Variants in PRKCZ observed in about 807,000 individuals in gnomAD.
The protein encoded by PRKCZ is protein kinase C zeta, also known as protein kinase C zeta type.
In PRKCZ, 33 loss-of-function variants were observed where a neutral mutation model predicts 79.5. That is an observed-to-expected ratio of 0.41 (90% CI 0.31 to 0.55). The LOEUF is 0.55. Among genes scored for constraint, PRKCZ ranks in the 20% least tolerant of loss-of-function variants. The pLI is 0.19. For missense variants in PRKCZ, 578 were observed against 813.5 expected (o/e 0.71, Z 3.52); for synonymous variants, 342 against 320.9 (o/e 1.07, Z -0.70).
At chr1:2,076,235 A>G (rs2803307) in intron 4 of PRKCZ, among the ~76,000 whole-genome samples, 134,722 of 152,100 alleles carry the variant, frequency 0.89, 60,022 homozygotes, top group East Asian at 1. Flanking sequence ...GTGTGGGCTC[A>G]GCAGGTCTGG....
Position 2,054,288 on chromosome 1 carries a change from C to T in PRKCZ, c.72-1153C>T, listed in dbSNP as rs527422447. Reference sequence around the variant, plus strand: ...CGCGCTCTTGTGGGTGTCAGAAAGCCGTAGATTTTTCTGAAAATTCAGTGT... The same window carrying T: ...CGCGCTCTTGTGGGTGTCAGAAAGCTGTAGATTTTTCTGAAAATTCAGTGT... On this transcript the variant is annotated intron_variant, in intron 1 of 17. Coordinates refer to ENST00000378567, the MANE Select transcript of PRKCZ (RefSeq NM_002744.6). 4.6e-5 allele frequency among the ~76,000 whole-genome samples: 7 copies of T among 152,236 alleles called. No individual in the cohort carries two copies. In the South Asian group the frequency reaches 8.3e-4, roughly 18 times the overall value.
rs1241149021 is a variant in PRKCZ at position 2,172,827 on chromosome 1, C to G, written c.1285+439C>G. Among the ~76,000 whole-genome samples, 2 of 152,216 alleles carry G rather than the reference C, an allele frequency of 1.3e-5. No homozygotes were observed. Among genetic ancestry groups the G allele is most frequent in the African/African-American group, 4.8e-5 (2 of 41,462 alleles). On this transcript the variant is annotated intron_variant, in intron 13 of 17. Transcript: ENST00000378567. This position sits in a 1 kb window ranked among gnomAD's most constrained non-coding sequence, Gnocchi z 7.8. ...ACACCAGAGTGTTTCTGCTCCTCTC[C>G]CCTCTCTGGGCGTGAAACGGGGACA...
At chr1:2,169,720 G>A (rs1684057492) in intron 11 of PRKCZ, 116 bp downstream of exon 11, 2 of 592,166 alleles carry the variant, frequency 3.4e-6, no homozygotes, top group Admixed American at 3.8e-5. Flanking sequence ...GGGTGCGCGC[G>A]GAGTTGGGGG....
upstream of PRKCZ, among the ~76,000 whole-genome samples, chr1:2,048,525 G>A (rs531232357): frequency 4.0e-4 from 61 of 151,552 alleles, no homozygotes; most frequent in African/African-American, 1.3e-3. Flanking sequence ...GACGGAGGCC[G>A]GGGCAGCAAA....
intron 6 of PRKCZ, among the ~76,000 whole-genome samples, chr1:2,145,779 G>C (rs570921361): frequency 1.3e-5 from 2 of 152,138 alleles, no homozygotes; most frequent in Non-Finnish European, 2.9e-5. Flanking sequence ...AGCCAGGCAT[G>C]GTGGTGCGCA....
At chr1:2,049,971 T>A, upstream of PRKCZ, 1 of 152,280 alleles carries the variant, frequency 6.6e-6, no homozygotes, top group East Asian at 1.9e-4. Flanking sequence ...TCCGTGACCC[T>A]GGCCGGGTTC....
At chr1:2,152,868 C>G (rs1242831288) in intron 9 of PRKCZ, among the ~76,000 whole-genome samples, 1 of 152,244 alleles carries the variant, frequency 6.6e-6, no homozygotes, top group Non-Finnish European at 1.5e-5. Flanking sequence ...CAGTGGAGGC[C>G]CCACGTTTGT....
Position 2,144,549 on chromosome 1 carries a change from G to A in PRKCZ, c.552+208G>A, listed in dbSNP as rs1678093485. On this transcript the variant is annotated intron_variant, in intron 6 of 17. Transcript: ENST00000378567. ...CCCCCACAAGCCCCCGGCACACTCT[G>A]CTCATTGGGGCATGAGGCTCAGGCA... 2.8e-6 allele frequency: 4 copies of A among 1,403,956 alleles called. No homozygotes were observed. The Admixed American group carries it at 1.2e-4, about 41-fold the overall frequency. The allele number at this position is 1,403,956 out of a possible 1,614,324, so 87.0% of individuals were successfully genotyped here. A position where few individuals can be genotyped will look rare whatever the true frequency, so the allele number is the denominator to read the frequency against.
At position 2,059,577 on chromosome 1, in the gene PRKCZ, G is replaced by C. The variant is rs1429702172; in HGVS notation, c.320G>C (p.Cys107Ser). The change falls in exon 4 of 18, where the codon TGT becomes TCT. Residue 107 changes from cysteine to serine, a missense_variant. Physicochemically the swap from Cys to Ser is moderately radical, Grantham distance 112. Around this residue, in one of 4 missense-constraint regions of PRKCZ, gnomAD observed 228 missense variants for 211.6 expected, o/e 1.08. Coordinates refer to ENST00000378567, the MANE Select transcript of PRKCZ (RefSeq NM_002744.6). ...PSTPEQPGLP[C>S]PGEDKSIYRR... Reference sequence around the variant, plus strand: ...ACCCCTGAGCAGCCTGGCCTGCCATGTCCGGGAGAAGACAGTGAGTACTGG... The same window carrying C: ...ACCCCTGAGCAGCCTGGCCTGCCATCTCCGGGAGAAGACAGTGAGTACTGG... 6.2e-7 allele frequency: 1 copy of C among 1,614,212 alleles called. No homozygotes were observed. Among genetic ancestry groups the C allele is most frequent in the South Asian group, 1.1e-5 (1 of 91,088 alleles).
At chr1:2,132,102 T>A (rs536180372) in intron 4 of PRKCZ, among the ~76,000 whole-genome samples, 2 of 152,174 alleles carry the variant, frequency 1.3e-5, no homozygotes, top group Non-Finnish European at 2.9e-5. Flanking sequence ...GGAGCCACCG[T>A]GCCTAGTATT....
chr1:2,157,323 G>A (rs1046934678), intron 10 of PRKCZ, among the ~76,000 whole-genome samples: 2 of 152,166 alleles, frequency 1.3e-5, no homozygotes, highest in Admixed American at 6.5e-5. Context: ...CAAGGTGACC[G>A]TTGAATTCAC....
chr1:2,131,346 T>A (rs1258910037), intron 4 of PRKCZ, among the ~76,000 whole-genome samples: 2 of 152,172 alleles, frequency 1.3e-5, no homozygotes, highest in Non-Finnish European at 2.9e-5. Context: ...GGCTCACACC[T>A]GTAATCTCAG....
At chr1:2,150,448 C>T (rs1312469021) in intron 8 of PRKCZ, among the ~76,000 whole-genome samples, 2 of 152,232 alleles carry the variant, frequency 1.3e-5, no homozygotes, top group East Asian at 3.9e-4. Flanking sequence ...CCCTGGGCCA[C>T]ATGTCCCTGT....
intron 4 of PRKCZ, among the ~76,000 whole-genome samples, chr1:2,060,421 C>T (rs1487090706): frequency 2.0e-5 from 3 of 152,114 alleles, no homozygotes; most frequent in Non-Finnish European, 4.4e-5. Context: ...GGTGAGTGGG[C>T]AGTTGGGGCG....
chr1:2,109,317 C>G (rs995339520), intron 4 of PRKCZ, among the ~76,000 whole-genome samples: 1 of 152,160 alleles, frequency 6.6e-6, no homozygotes, highest in Non-Finnish European at 1.5e-5. Flanking sequence ...GAGGCACTGC[C>G]GGACGCGCAG....
chr1:2,059,663 G>T, intron 4 of PRKCZ, 72 bp downstream of exon 4: 1 of 1,576,094 alleles, frequency 6.3e-7, no homozygotes, highest in South Asian at 1.1e-5. Flanking sequence ...GTGCCACGGA[G>T]GTGGCAGTGG....
chr1:2,119,426 GCTGGTATCGAATTC>G (rs1235571077), intron 4 of PRKCZ, among the ~76,000 whole-genome samples: 2 of 152,034 alleles, frequency 1.3e-5, no homozygotes, highest in Non-Finnish European at 2.9e-5. Flanking sequence ...TATTGACCAG[GCTGGTATCGAATTC>G]CTGGCCTCAA....
chr1:2,177,789 G>A lies in PRKCZ; in HGVS notation c.1575+2476G>A, dbSNP rs1685764710. Reference sequence around the variant, plus strand: ...CACCCCCGTGGCTGCCCACAGGGGCGGCTTCCATCACCCTGCTTCTTCCTG... The same window carrying A: ...CACCCCCGTGGCTGCCCACAGGGGCAGCTTCCATCACCCTGCTTCTTCCTG... On this transcript the variant is annotated intron_variant, in intron 16 of 17. Transcript: ENST00000378567. This position sits in a 1 kb window ranked among gnomAD's most constrained non-coding sequence, Gnocchi z 6.4. Among the ~76,000 whole-genome samples, 1 of 152,142 alleles carries A rather than the reference G, an allele frequency of 6.6e-6. No homozygotes were observed. Among genetic ancestry groups the A allele is most frequent in the Non-Finnish European group, 1.5e-5 (1 of 68,014 alleles).
chr1:2,175,229 C>T lies in PRKCZ; in HGVS notation c.1491C>T (p.Pro497=), dbSNP rs772183268. The part of the protein sequence containing the change: ...HVLKGFLNKD[P]KERLGCRPQT... Reference sequence around the variant, plus strand: ...GTTTGAACTCTGACCTCCAGGACCCCAAAGAGAGGCTCGGCTGCCGGCCAC... The same window carrying T: ...GTTTGAACTCTGACCTCCAGGACCCTAAAGAGAGGCTCGGCTGCCGGCCAC... Residue 497 remains proline, a synonymous_variant, in exon 16 of 18, where the codon CCC becomes CCT. Coordinates refer to ENST00000378567, the MANE Select transcript of PRKCZ (RefSeq NM_002744.6). 4 of 1,613,676 alleles carry T rather than the reference C, an allele frequency of 2.5e-6. No individual in the cohort carries two copies. In the African/African-American group the frequency reaches 5.3e-5, roughly 22 times the overall value.
Sources: allele counts gnomAD v4.1 joint callset (sites outside exome capture counted in the v4.1 genomes callset), GRCh38; gene constraint gnomAD v4.1.1; regional missense constraint gnomAD v4.1.1; non-coding constraint Gnocchi (gnomAD v3.1); transcripts MANE v1.5; gene names NCBI Gene and HGNC (gene_info 2026-07-23, HGNC 2026-07-21).